The following WIPF1 variants were observed in gnomAD, a reference collection of about 807,000 sequenced individuals.
WIPF1 encodes WAS/WASL interacting protein family member 1.
In WIPF1, 13 loss-of-function variants were observed where a neutral mutation model predicts 35.4. The ratio of observed to expected loss-of-function variants is 0.37; its 90% CI spans 0.24 to 0.58. The LOEUF (loss-of-function observed/expected upper bound fraction) is 0.58, where lower values mean the gene tolerates loss of function less well. Ranked by LOEUF, WIPF1 falls within the 20% of genes least tolerant of loss-of-function variation. The probability of loss-of-function intolerance (pLI) is 0.74; values close to 1 mark genes in which losing one functional copy is unlikely to be tolerated. For synonymous variants in WIPF1, 267 were observed against 266.3 expected (o/e 1.00, Z -0.02); for missense variants, 591 against 667.0 (o/e 0.89, Z 1.25).
intron 1 of WIPF1, among the ~76,000 whole-genome samples, chr2:174,680,632 T>C (rs1688226652): frequency 6.6e-6 from 1 of 152,190 alleles, no homozygotes; most frequent in Non-Finnish European, 1.5e-5. Flanking sequence ...CACCTTGAAA[T>C]AGCAAAGACA....
At chr2:174,568,226 A>G (rs1355669719) in intron 5 of WIPF1, among the ~76,000 whole-genome samples, 153 bp from the exon 6 acceptor site, 1 of 152,232 alleles carries the variant, frequency 6.6e-6, no homozygotes, top group Admixed American at 6.5e-5. Flanking sequence ...GAGTAAACAC[A>G]CAGAAACACA....
chr2:174,605,709 A>C (rs1439391769), intron 1 of WIPF1, among the ~76,000 whole-genome samples: 1 of 152,174 alleles, frequency 6.6e-6, no homozygotes, highest in African/African-American at 2.4e-5. Flanking sequence ...AAAGGAGGGA[A>C]AGTGGGTAGG....
chr2:174,654,905 TG>T (rs1284768444), intron 1 of WIPF1, among the ~76,000 whole-genome samples: 2 of 152,188 alleles, frequency 1.3e-5, no homozygotes, highest in African/African-American at 4.8e-5. Flanking sequence ...GAGCAAAGTA[TG>T]TGAGAGGCAA....
intron 1 of WIPF1, among the ~76,000 whole-genome samples, chr2:174,596,946 A>C (rs980948092): frequency 2.6e-5 from 4 of 152,234 alleles, no homozygotes. Flanking sequence ...GAAATTTTAA[A>C]AATCACAATA....
chr2:174,679,010 TC>T, intron 1 of WIPF1, among the ~76,000 whole-genome samples: 1 of 152,368 alleles, frequency 6.6e-6, no homozygotes, highest in South Asian at 2.1e-4. Flanking sequence ...AGTATTTTGT[TC>T]AGGCTAACAC....
At chr2:174,570,822 G>A (rs1027359050) in intron 5 of WIPF1, among the ~76,000 whole-genome samples, 7 of 152,222 alleles carry the variant, frequency 4.6e-5, no homozygotes, top group African/African-American at 1.7e-4. Flanking sequence ...TGTACGATGA[G>A]ATTCAATTTT....
intron 1 of WIPF1, among the ~76,000 whole-genome samples, chr2:174,657,618 T>TA (rs1687670494): frequency 6.6e-6 from 1 of 152,016 alleles, no homozygotes; most frequent in Non-Finnish European, 1.5e-5. Flanking sequence ...GAAGGCTGGG[T>TA]ACAGTGGCTC....
At chr2:174,682,555 C>G (rs1055868257) in intron 1 of WIPF1, among the ~76,000 whole-genome samples, 11 of 151,814 alleles carry the variant, frequency 7.2e-5, no homozygotes, top group Non-Finnish European at 1.5e-4. Flanking sequence ...CAGCAGAACG[C>G]GCGGGCCGCT....
At chr2:174,569,551 T>C (rs1170026247) in intron 5 of WIPF1, among the ~76,000 whole-genome samples, 1 of 152,180 alleles carries the variant, frequency 6.6e-6, no homozygotes, top group Non-Finnish European at 1.5e-5. Flanking sequence ...ATGTTCATGT[T>C]CCTAACTCTC....
At chr2:174,634,939 G>C (rs75423262) in intron 1 of WIPF1, among the ~76,000 whole-genome samples, 1 of 152,170 alleles carries the variant, frequency 6.6e-6, no homozygotes, top group African/African-American at 2.4e-5. Context: ...GGGCTTGGGT[G>C]CTCTGCTGTC....
intron 1 of WIPF1, among the ~76,000 whole-genome samples, chr2:174,629,051 C>G (rs1234195234): frequency 6.6e-6 from 1 of 152,030 alleles, no homozygotes; most frequent in Non-Finnish European, 1.5e-5. Flanking sequence ...TTTTTAGTTC[C>G]CCTTCCCTTA....
chr2:174,594,024 A>G (rs1685717286), intron 1 of WIPF1, among the ~76,000 whole-genome samples: 1 of 152,222 alleles, frequency 6.6e-6, no homozygotes, highest in Non-Finnish European at 1.5e-5. Context: ...ATGCATTGTT[A>G]GTCTCCATTT....
At chr2:174,605,921 G>GAC (rs1686148978) in intron 1 of WIPF1, among the ~76,000 whole-genome samples, 1 of 151,884 alleles carries the variant, frequency 6.6e-6, no homozygotes, top group Admixed American at 6.6e-5. Context: ...GCTTAATCTA[G>GAC]TGTAAAAATG....
At position 174,666,141 on chromosome 2, in the gene WIPF1, A is replaced by G. The variant is rs140122928; in HGVS notation, c.-39+16633T>C. Among the ~76,000 whole-genome samples the G allele has an allele frequency of 4.9e-3, 752 of 152,266 alleles. 8 individuals carry two copies. Among genetic ancestry groups the G allele is most frequent in the African/African-American group, 0.017 (699 of 41,542 alleles). On this transcript the variant is annotated intron_variant, in intron 1 of 8. Transcript: ENST00000272746. ...ACAAAACTGAAAAACTTAGCCAGGC[A>G]TGGTGGCATGTGCCTGTAGTACCAG...
rs1014048495 is a variant in WIPF1 at position 174,674,275 on chromosome 2, T to C, written c.-39+8499A>G. On this transcript the variant is annotated intron_variant, in intron 1 of 8. Transcript: ENST00000272746. ...CCTCTTTATGTAATTCAGCACAATT[T>C]ATAACTAATGCTCTCAAAGAACCTT... Among the ~76,000 whole-genome samples the C allele has an allele frequency of 3.7e-4, 57 of 152,256 alleles. 1 individual carries two copies. Among genetic ancestry groups the C allele is most frequent in the Non-Finnish European group, 1.0e-4 (7 of 68,040 alleles).
Position 174,561,022 on chromosome 2 carries a change from A to G in WIPF1, c.*1525T>C, listed in dbSNP as rs571938734. On this transcript the variant is annotated 3_prime_UTR_variant, in exon 8 of 8. Coordinates refer to ENST00000679041, the MANE Select transcript of WIPF1 (RefSeq NM_001375834.1). ...AGTAATGGTAATTTTAAACAAAACC[A>G]TGTAAAATATCTAAGTGGAAATATT... The G allele has an allele frequency of 2.4e-3, 363 of 152,790 alleles. No individual in the cohort carries two copies. Among genetic ancestry groups the G allele is most frequent in the Non-Finnish European group, 3.2e-3 (218 of 68,040 alleles). The allele number at this position is 152,790 out of a possible 1,614,324, so 9.5% of individuals were successfully genotyped here.
chr2:174,641,694 C>T (rs1368336349), intron 1 of WIPF1, among the ~76,000 whole-genome samples: 1 of 152,156 alleles, frequency 6.6e-6, no homozygotes, highest in Non-Finnish European at 1.5e-5. Flanking sequence ...ATAAAGTGTA[C>T]CAAAATACTG....
intron 1 of WIPF1, among the ~76,000 whole-genome samples, chr2:174,645,032 A>G (rs1687375503): frequency 6.6e-6 from 1 of 152,212 alleles, no homozygotes; most frequent in Non-Finnish European, 1.5e-5. Context: ...AGCCTAGAGT[A>G]GAGGGGAAGG....
intron 1 of WIPF1, among the ~76,000 whole-genome samples, chr2:174,618,556 C>T (rs1686582886): frequency 6.6e-6 from 1 of 152,206 alleles, no homozygotes; most frequent in Non-Finnish European, 1.5e-5. Context: ...ACAACAGTAA[C>T]AATGAGCATG....
Sources: allele counts gnomAD v4.1 joint callset (sites outside exome capture counted in the v4.1 genomes callset), GRCh38; gene constraint gnomAD v4.1.1; transcripts MANE v1.5; gene names NCBI Gene and HGNC (gene_info 2026-07-23, HGNC 2026-07-21).